RASEF: variants seen among roughly 807,000 people sequenced by gnomAD.
The protein encoded by RASEF is ras and EF-hand domain-containing protein.
RASEF carries 68 observed loss-of-function variants against 90.1 expected under a neutral mutation model. The ratio of observed to expected loss-of-function variants is 0.75; its 90% CI spans 0.62 to 0.92. The LOEUF (loss-of-function observed/expected upper bound fraction) is 0.92, where lower values mean the gene tolerates loss of function less well. RASEF is among the 40% of genes least tolerant of loss of function. RASEF has a pLI of 0.00. For synonymous variants in RASEF, 331 were observed against 345.2 expected (o/e 0.96, Z 0.46); for missense variants, 949 against 937.2 (o/e 1.01, Z -0.16).
rs768790769 is a variant in RASEF at position 82,982,677 on chromosome 9, T to A, written c.2223A>T (p.Ter741TyrextTer8). 3 of 1,533,938 alleles carry A rather than the reference T, an allele frequency of 2.0e-6. No homozygotes were observed. The highest frequency in any genetic ancestry group is 1.7e-5 in the Admixed American group (1 of 59,888). Residue 741 changes from the stop codon to tyrosine (Y), a stop_lost, in exon 17 of 17, where the codon TAA becomes TAT. Coordinates refer to ENST00000376447, the MANE Select transcript of RASEF (RefSeq NM_152573.4). ...SPQMKNCCNG[*>Y] ...TTCACAGGCCAAGGATGTTTGGGATTTAGCCATTGCAACAATTCTTCATCT... is the reference window on the plus strand; with the variant it reads ...TTCACAGGCCAAGGATGTTTGGGATATAGCCATTGCAACAATTCTTCATCT...
the RASEF span, among the ~76,000 whole-genome samples, chr9:83,175,363 C>T: frequency 6.6e-6 from 1 of 152,064 alleles, no homozygotes; most frequent in Non-Finnish European, 1.5e-5. Flanking sequence ...TAGAGATGAT[C>T]ATTTGCCTTT....
chr9:83,053,781 T>C (rs964384549), intron 1 of RASEF, among the ~76,000 whole-genome samples: 1 of 142,716 alleles, frequency 7.0e-6, no homozygotes, highest in African/African-American at 2.9e-5. Context: ...CTATAAAGTA[T>C]TTTATTTCTC....
chr9:83,208,306 C>T, the RASEF span, among the ~76,000 whole-genome samples: 1 of 152,268 alleles, frequency 6.6e-6, no homozygotes, highest in South Asian at 2.1e-4. Context: ...AGTGTGCTAC[C>T]CCTTGTGGGA....
intron 15 of RASEF, among the ~76,000 whole-genome samples, chr9:82,991,139 A>C (rs867720492): frequency 3.3e-5 from 5 of 152,134 alleles, no homozygotes; most frequent in Non-Finnish European, 7.4e-5. Flanking sequence ...ACAGAGCTGC[A>C]GTTTCCCTGG....
In RASEF at chr9:82,990,477, A is replaced by C; in HGVS notation, c.2041-10T>G. 1 of 1,595,520 alleles carries C rather than the reference A, an allele frequency of 6.3e-7. No homozygotes were observed. The highest frequency in any genetic ancestry group is 8.6e-7 in the Non-Finnish European group (1 of 1,164,760). ...ATAATGCCCCATACGTCTGTAAAAA[A>C]GAAATACACACAATTAAATGAAGCC... On this transcript the variant is annotated splice_polypyrimidine_tract_variant and intron_variant, in intron 15 of 16. Transcript: ENST00000376447.
At chr9:83,024,427 G>T (rs1331205260) in intron 2 of RASEF, among the ~76,000 whole-genome samples, 2 of 152,146 alleles carry the variant, frequency 1.3e-5, no homozygotes, top group Non-Finnish European at 2.9e-5. Context: ...CTGTGTATGT[G>T]TACCTATGTG....
At chr9:83,044,732 A>C (rs58387961) in intron 1 of RASEF, among the ~76,000 whole-genome samples, 4,436 of 152,240 alleles carry the variant, frequency 0.029, 199 homozygotes, top group African/African-American at 0.1. Context: ...ATGATGGTGA[A>C]TTTTATTTAT....
chr9:83,024,713 GA>G (rs1166742395), intron 2 of RASEF, among the ~76,000 whole-genome samples: 4 of 152,184 alleles, frequency 2.6e-5, no homozygotes, highest in African/African-American at 9.6e-5. Flanking sequence ...AGGACGATAA[GA>G]AAGGTCCTAT....
chr9:83,031,645 C>T (rs1829649613), intron 1 of RASEF, among the ~76,000 whole-genome samples: 1 of 152,116 alleles, frequency 6.6e-6, no homozygotes, highest in South Asian at 2.1e-4. Flanking sequence ...TAAGTACATA[C>T]CTCCATTTAG....
intron 16 of RASEF, among the ~76,000 whole-genome samples, chr9:82,986,522 C>A (rs944740961): frequency 1.3e-5 from 2 of 152,318 alleles, no homozygotes; most frequent in South Asian, 2.1e-4. Context: ...AAAGTATATA[C>A]CCACATTTTC....
At chr9:83,070,488 T>G in the RASEF span, among the ~76,000 whole-genome samples, 3 of 152,176 alleles carry the variant, frequency 2.0e-5, no homozygotes, top group African/African-American at 4.8e-5. Flanking sequence ...TTTTCATCTA[T>G]TCTTTCACCA....
intron 9 of RASEF, among the ~76,000 whole-genome samples, chr9:83,004,076 A>G (rs1410753618): frequency 6.6e-6 from 1 of 152,190 alleles, no homozygotes; most frequent in Non-Finnish European, 1.5e-5. Flanking sequence ...TTGCTTTGAG[A>G]GTTTCCCTTT....
intron 2 of RASEF, 54 bp from the exon 3 acceptor site, chr9:83,022,480 G>T: frequency 7.7e-7 from 1 of 1,299,220 alleles, no homozygotes. Context: ...CTTGAAACAT[G>T]AAGAGAAACT....
chr9:83,017,321 TAAAAAAAA>T (rs1174147161), intron 3 of RASEF, among the ~76,000 whole-genome samples: 2 of 128,224 alleles, frequency 1.6e-5, no homozygotes, highest in Non-Finnish European at 3.3e-5. Context: ...TCGTCTCTAC[TAAAAAAAA>T]AAAAAAAAAA....
intron 1 of RASEF, chr9:83,048,133 C>T: frequency 1.0e-6 from 1 of 985,408 alleles, no homozygotes; most frequent in Non-Finnish European, 1.2e-6. Context: ...GCTCTGGAGG[C>T]CTCCACGTTT....
At chr9:83,058,899 T>G (rs1830150829) in intron 1 of RASEF, among the ~76,000 whole-genome samples, 1 of 152,190 alleles carries the variant, frequency 6.6e-6, no homozygotes, top group African/African-American at 2.4e-5. Flanking sequence ...GCAAACCATG[T>G]GAAACAGCTA....
chr9:83,193,284 G>C, the RASEF span, among the ~76,000 whole-genome samples: 1 of 152,162 alleles, frequency 6.6e-6, no homozygotes, highest in Non-Finnish European at 1.5e-5. Context: ...TCCCTGCAGT[G>C]AAAGATGAGA....
chr9:83,060,904 C>T (rs1027923156), intron 1 of RASEF, among the ~76,000 whole-genome samples: 2 of 152,114 alleles, frequency 1.3e-5, no homozygotes. Flanking sequence ...ATAATTCCAC[C>T]AATAATATTA....
At chr9:83,127,000 A>G in the RASEF span, among the ~76,000 whole-genome samples, 1 of 152,250 alleles carries the variant, frequency 6.6e-6, no homozygotes, top group East Asian at 1.9e-4. Context: ...GACCTATATC[A>G]GAATAATATT....
Sources: allele counts gnomAD v4.1 joint callset (sites outside exome capture counted in the v4.1 genomes callset), GRCh38; gene constraint gnomAD v4.1.1; transcripts MANE v1.5; gene names NCBI Gene and HGNC (gene_info 2026-07-23, HGNC 2026-07-21).